The following IFNAR2 variants were observed in gnomAD, a reference collection of about 807,000 sequenced individuals.
The protein encoded by IFNAR2 is interferon alpha and beta receptor subunit 2.
In IFNAR2, 30 loss-of-function variants were observed where a neutral mutation model predicts 49.4. That is an observed-to-expected ratio of 0.61 (90% CI 0.45 to 0.82). The LOEUF (loss-of-function observed/expected upper bound fraction) is 0.82. Ranked by LOEUF, IFNAR2 falls within the 40% of genes least tolerant of loss-of-function variation. The probability of loss-of-function intolerance (pLI) is 0.00; values close to 1 mark genes in which losing one functional copy is unlikely to be tolerated. For synonymous variants in IFNAR2, 224 were observed against 234.5 expected, an observed-to-expected ratio of 0.96 and a Z score of 0.41; for missense variants, 600 against 622.7, an observed-to-expected ratio of 0.96 and a Z score of 0.39.
intron 1 of IFNAR2, among the ~76,000 whole-genome samples, chr21:33,235,965 G>T (rs1383367321): frequency 1.3e-5 from 2 of 151,914 alleles, no homozygotes; most frequent in African/African-American, 4.8e-5. Context: ...ATAAAAACTT[G>T]AATTATTAGC....
Position 33,263,158 on chromosome 21 carries a change from C to G in IFNAR2, c.1206C>G (p.Leu402=). 6.2e-7 allele frequency: 1 copy of G among 1,614,154 alleles called. No homozygotes were observed. Among genetic ancestry groups the G allele is most frequent in the East Asian group, 2.2e-5 (1 of 44,888 alleles). The change falls in exon 9 of 9, where the codon CTC becomes CTG. Residue 402 remains leucine (L), a synonymous_variant. Coordinates refer to ENST00000342136, the MANE Select transcript of IFNAR2 (RefSeq NM_001289125.3). ...CCTGTGAGAGGAGAAAGAGTCCACT[C>G]CAGGACCCTTTTCCCGAAGAGGACT... The part of the protein sequence containing the change: ...SGPCERRKSP[L]QDPFPEEDYS...
Position 33,242,783 on chromosome 21 carries a change from G to GA in IFNAR2, c.55+806_55+807insA, listed in dbSNP as rs1987072139. Among the ~76,000 whole-genome samples the GA allele has an allele frequency of 2.6e-5, 2 of 78,172 alleles. 1 individual carries two copies. Among genetic ancestry groups the GA allele is most frequent in the Non-Finnish European group, 5.2e-5 (2 of 38,200 alleles). 51.3% of individuals were successfully genotyped at this position (78,172 alleles called of 152,430 possible). ...CGTGTGTGTGTGTGTGTGTGTGTGTGTGTGTGTGTGTGTGTGTGTGTTTTG... is the reference window on the plus strand; with the variant it reads ...CGTGTGTGTGTGTGTGTGTGTGTGTGATGTGTGTGTGTGTGTGTGTGTTTTG... On this transcript the variant is annotated intron_variant, in intron 2 of 8. Transcript: ENST00000342136.
intron 7 of IFNAR2, among the ~76,000 whole-genome samples, chr21:33,255,553 T>C (rs2123513033): frequency 1.3e-5 from 2 of 150,890 alleles, no homozygotes; most frequent in African/African-American, 4.9e-5. Flanking sequence ...CAGGACAAGG[T>C]CTGAAAGGGT....
intron 7 of IFNAR2, among the ~76,000 whole-genome samples, chr21:33,259,587 C>G (rs533402566): frequency 2.4e-4 from 37 of 152,298 alleles, no homozygotes; most frequent in African/African-American, 7.9e-4. Flanking sequence ...GTCACAATCT[C>G]TGTATTATGC....
At chr21:33,236,423 G>A (rs1478865384) in intron 1 of IFNAR2, among the ~76,000 whole-genome samples, 2 of 152,190 alleles carry the variant, frequency 1.3e-5, no homozygotes, top group Non-Finnish European at 2.9e-5. Context: ...CCACGTCCAA[G>A]GGTCTTTACG....
intron 3 of IFNAR2, among the ~76,000 whole-genome samples, chr21:33,244,214 C>G (rs1025490971): frequency 1.3e-5 from 2 of 152,086 alleles, no homozygotes; most frequent in Non-Finnish European, 2.9e-5. Context: ...GAAACAAAGG[C>G]CTGAGTCCTA....
intron 1 of IFNAR2, among the ~76,000 whole-genome samples, chr21:33,239,589 G>T (rs903643729): frequency 1.3e-5 from 2 of 150,404 alleles, no homozygotes; most frequent in African/African-American, 4.9e-5. Flanking sequence ...TGAGCTACAG[G>T]TTCTATACTC....
rs1568871277 is a variant in IFNAR2, at chr21:33,230,251, G to C, written c.-84+35G>C. On this transcript the variant is annotated intron_variant, in intron 1 of 8. Coordinates refer to ENST00000342136, the MANE Select transcript of IFNAR2 (RefSeq NM_001289125.3). This position sits in a 1 kb window ranked among gnomAD's most constrained non-coding sequence, Gnocchi z 5.5. ...CGTGGCGGGGTCGCGGGAGCGGAGCGCGTGGCCAGCTGACTGGAGGGAAAA... is the reference window on the plus strand; with the variant it reads ...CGTGGCGGGGTCGCGGGAGCGGAGCCCGTGGCCAGCTGACTGGAGGGAAAA... The C allele has an allele frequency of 4.1e-5, 45 of 1,092,834 alleles. No homozygotes were observed. Among genetic ancestry groups the C allele is most frequent in the Non-Finnish European group, 5.1e-5 (45 of 890,638 alleles). The allele number at this position is 1,092,834 out of a possible 1,614,324, so 67.7% of individuals were successfully genotyped here.
intron 1 of IFNAR2, among the ~76,000 whole-genome samples, chr21:33,241,571 T>C (rs758786062): frequency 6.6e-6 from 1 of 152,212 alleles, no homozygotes; most frequent in Non-Finnish European, 1.5e-5. Context: ...TGCATGAAGA[T>C]ACTCTGAAGG....
Position 33,263,557 on chromosome 21 carries a change from T to C in IFNAR2, c.*57T>C. ...AAGCACCTACAGGGTTCTTTGTCTC[T>C]GCATCCTAACTTGCTGCCTTATCGT... On this transcript the variant is annotated 3_prime_UTR_variant, in exon 9 of 9. Coordinates refer to ENST00000342136, the MANE Select transcript of IFNAR2 (RefSeq NM_001289125.3). 1.3e-6 allele frequency: 2 copies of C among 1,501,642 alleles called. No homozygotes were observed. The highest frequency in any genetic ancestry group is 1.8e-6 in the Non-Finnish European group (2 of 1,124,142). The allele number at this position is 1,501,642 out of a possible 1,614,324, so 93.0% of individuals were successfully genotyped here.
Position 33,245,009 on chromosome 21 carries a change from AT to A in IFNAR2, c.157del (p.Ser53HisfsTer4), listed in dbSNP as rs1334998917. On this transcript the variant is annotated frameshift_variant, in exon 4 of 9. Transcript: ENST00000342136. LOFTEE classifies it high-confidence loss of function. The part of the protein sequence containing the change: ...ISLRNFRSIL[S>X]WELKNHSIVP... ...CATTGCGAAATTTCCGGTCCATCTTATCATGGGAATTAAAAAACCACTCCAT... is the reference window on the plus strand; with the variant it reads ...CATTGCGAAATTTCCGGTCCATCTTACATGGGAATTAAAAAACCACTCCAT... 18 of 1,609,856 alleles carry A rather than the reference AT, an allele frequency of 1.1e-5. No homozygotes were observed. Among genetic ancestry groups the A allele is most frequent in the Non-Finnish European group, 1.4e-5 (17 of 1,176,220 alleles).
chr21:33,245,536 G>C (rs1036458989), intron 4 of IFNAR2, among the ~76,000 whole-genome samples: 7 of 152,216 alleles, frequency 4.6e-5, no homozygotes, highest in Non-Finnish European at 7.3e-5. Flanking sequence ...GACAGGCCTG[G>C]GTCCATAGTC....
At chr21:33,239,024 C>T (rs369065639) in intron 1 of IFNAR2, among the ~76,000 whole-genome samples, 3 of 152,130 alleles carry the variant, frequency 2.0e-5, no homozygotes, top group African/African-American at 4.8e-5. Flanking sequence ...GGTAGGGAAA[C>T]GAAAATTCTC....
At chr21:33,260,217 G>T (rs1294370578) in intron 7 of IFNAR2, among the ~76,000 whole-genome samples, 1 of 152,154 alleles carries the variant, frequency 6.6e-6, no homozygotes, top group Admixed American at 6.5e-5. Flanking sequence ...ACTTCTTCCT[G>T]CCCGCAGCGC....
At chr21:33,232,348 T>C (rs868819682) in intron 1 of IFNAR2, among the ~76,000 whole-genome samples, 2 of 152,018 alleles carry the variant, frequency 1.3e-5, no homozygotes, top group Admixed American at 6.6e-5. Flanking sequence ...GGAGGTTGGC[T>C]GACTTAGAGG....
rs145567160 is a variant in IFNAR2, at chr21:33,259,756, A to T, written c.710-841A>T. Among the ~76,000 whole-genome samples the T allele has an allele frequency of 6.8e-4, 104 of 152,280 alleles. 1 individual carries two copies. In the East Asian group the frequency reaches 0.019, roughly 28 times the overall value. On this transcript the variant is annotated intron_variant, in intron 7 of 8. Coordinates refer to ENST00000342136, the MANE Select transcript of IFNAR2 (RefSeq NM_001289125.3). ...GACAATCCAATCCTTCACACTCTTG[A>T]TGGAGGTGAGAGTGGATTCTTGAAC...
Position 33,252,754 on chromosome 21 carries a change from T to C in IFNAR2, c.633T>C (p.Tyr211=). The part of the protein sequence containing the change: ...IPNTNYCVSV[Y]LEHSDEQAVI... ...ACACGAACTACTGTGTATCTGTTTA[T>C]TTAGAGCACAGTGATGAGCAAGCAG... Residue 211 remains tyrosine, a synonymous_variant, in exon 7 of 9, where the codon TAT becomes TAC. Transcript: ENST00000342136. 1 of 1,613,416 alleles carries C rather than the reference T, an allele frequency of 6.2e-7. No individual in the cohort carries two copies. Among genetic ancestry groups the C allele is most frequent in the Non-Finnish European group, 8.5e-7 (1 of 1,179,330 alleles).
intron 6 of IFNAR2, chr21:33,252,081 C>CACCTATCTATCT (rs1987883426): frequency 2.7e-6 from 1 of 376,786 alleles, no homozygotes; most frequent in Non-Finnish European, 5.6e-6. Context: ...AGACCCCATC[C>CACCTATCTATCT]ATCTATCTAT....
chr21:33,250,686 C>T (rs1308239008), intron 6 of IFNAR2, among the ~76,000 whole-genome samples: 4 of 152,076 alleles, frequency 2.6e-5, no homozygotes, highest in Non-Finnish European at 5.9e-5. Flanking sequence ...TACAGGCACC[C>T]GCCAGCACAC....
Sources: gnomAD v4.1 joint callset for allele counts (sites outside exome capture counted in the v4.1 genomes callset) on GRCh38, gnomAD v4.1.1 for gene constraint, Gnocchi (gnomAD v3.1) non-coding constraint, MANE v1.5 for transcripts, NCBI Gene and HGNC (gene_info 2026-07-23, HGNC 2026-07-21) for gene names.